Variants in NTRK3 observed in about 807,000 individuals in gnomAD.
NTRK3 encodes NT-3 growth factor receptor.
NTRK3 carries 24 observed loss-of-function variants against 91.7 expected under a neutral mutation model. That is an observed-to-expected ratio of 0.26 (90% CI 0.19 to 0.37). NTRK3 has a LOEUF of 0.37. NTRK3 is among the 10% of genes least tolerant of loss of function. The probability of loss-of-function intolerance (pLI) is 1.00; values close to 1 mark genes in which losing one functional copy is unlikely to be tolerated. For missense variants in NTRK3, 880 were observed against 1,068.9 expected, an observed-to-expected ratio of 0.82 and a Z score of 2.46; for synonymous variants, 483 against 404.0, an observed-to-expected ratio of 1.20 and a Z score of -2.34.
chr15:87,979,768 G>T (rs891106468), intron 14 of NTRK3, among the ~76,000 whole-genome samples: 1 of 152,280 alleles, frequency 6.6e-6, no homozygotes, highest in African/African-American at 2.4e-5. Flanking sequence ...GTGGGTCTCA[G>T]TCTATAAGCA....
At chr15:88,133,883 C>T (rs1325835465) in intron 10 of NTRK3, among the ~76,000 whole-genome samples, 2 of 152,196 alleles carry the variant, frequency 1.3e-5, no homozygotes, top group Non-Finnish European at 2.9e-5. Context: ...GGGACCTCAA[C>T]GGCAAGAATT....
intron 14 of NTRK3, among the ~76,000 whole-genome samples, chr15:87,994,723 A>T (rs1271902707): frequency 6.6e-6 from 1 of 152,232 alleles, no homozygotes; most frequent in Non-Finnish European, 1.5e-5. Context: ...TGGCAGGAAC[A>T]TAAGGCAGGA....
At chr15:87,943,056 G>A (rs190087634) in intron 14 of NTRK3, among the ~76,000 whole-genome samples, 9 of 151,954 alleles carry the variant, frequency 5.9e-5, no homozygotes, top group South Asian at 4.2e-4. Context: ...TTGAGAATGC[G>A]TCAAAATCAC....
In NTRK3 at chr15:87,933,185, C is replaced by G. The variant is rs773360613; in HGVS notation, c.1717-1G>C. 6.2e-7 allele frequency: 1 copy of G among 1,613,990 alleles called. No individual in the cohort carries two copies. The highest frequency in any genetic ancestry group is 1.3e-5 in the African/African-American group (1 of 74,912). ...CAGCCAGGGTGGGATCCTTCAGGGC[C>G]TAGGAACAATGCAGGACACAGGTGT... On this transcript the variant is annotated splice_acceptor_variant, in intron 15 of 18. Coordinates refer to ENST00000394480, the Ensembl canonical transcript of NTRK3. LOFTEE classifies it high-confidence loss of function.
chr15:88,203,231 A>G (rs2141302347), intron 3 of NTRK3, among the ~76,000 whole-genome samples: 1 of 152,226 alleles, frequency 6.6e-6, no homozygotes, highest in African/African-American at 2.4e-5. Flanking sequence ...ATTACTTCCC[A>G]CATAAATCAC....
At chr15:88,173,875 A>G (rs897731028) in intron 5 of NTRK3, among the ~76,000 whole-genome samples, 1 of 152,236 alleles carries the variant, frequency 6.6e-6, no homozygotes, top group African/African-American at 2.4e-5. Context: ...GCAGTTATGA[A>G]ACCTTAGGCA....
At chr15:88,184,586 C>T (rs746674135) in intron 3 of NTRK3, among the ~76,000 whole-genome samples, 9 of 152,224 alleles carry the variant, frequency 5.9e-5, no homozygotes, top group Non-Finnish European at 8.8e-5. Context: ...ATGCTAAAGA[C>T]GTGAAGTTCA....
intron 17 of NTRK3, among the ~76,000 whole-genome samples, chr15:87,907,736 A>T (rs111984358): frequency 0.018 from 2,675 of 152,264 alleles, 73 homozygotes; most frequent in African/African-American, 0.056. Flanking sequence ...CTGTTTCCCA[A>T]ATAGAAGAAA....
chr15:87,925,447 A>ACACACACC (rs2068217396), intron 17 of NTRK3: 1 of 190,542 alleles, frequency 5.2e-6, no homozygotes, highest in Non-Finnish European at 1.1e-5. Flanking sequence ...GTATGCACAC[A>ACACACACC]CACACACACA....
At chr15:88,081,931 T>C (rs1454654734) in intron 13 of NTRK3, among the ~76,000 whole-genome samples, 1 of 152,160 alleles carries the variant, frequency 6.6e-6, no homozygotes, top group African/African-American at 2.4e-5. Flanking sequence ...TTGCTTTTTC[T>C]TTCCAAGGGC....
chr15:87,921,829 A>G (rs1012835787), intron 17 of NTRK3, among the ~76,000 whole-genome samples: 2 of 152,024 alleles, frequency 1.3e-5, no homozygotes, highest in Non-Finnish European at 2.9e-5. Context: ...CCAGGCTGCT[A>G]TGACTGAGCT....
intron 14 of NTRK3, among the ~76,000 whole-genome samples, chr15:87,993,520 C>T (rs2075442848): frequency 6.6e-6 from 1 of 152,052 alleles, no homozygotes; most frequent in African/African-American, 2.4e-5. Flanking sequence ...AGTTCTTCAC[C>T]TTTCTTTGGG....
chr15:88,006,127 A>G (rs976374059), intron 14 of NTRK3, among the ~76,000 whole-genome samples: 3 of 152,210 alleles, frequency 2.0e-5, no homozygotes, highest in African/African-American at 7.2e-5. Context: ...GAAAGTAAAA[A>G]TGTTCATTAC....
At chr15:88,115,238 G>C (rs2051908942) in intron 13 of NTRK3, among the ~76,000 whole-genome samples, 1 of 152,238 alleles carries the variant, frequency 6.6e-6, no homozygotes, top group Non-Finnish European at 1.5e-5. Flanking sequence ...AAGGCAGCAA[G>C]CAGCACACAC....
chr15:88,020,368 G>A (rs191982183), intron 14 of NTRK3, among the ~76,000 whole-genome samples: 41 of 152,188 alleles, frequency 2.7e-4, no homozygotes, highest in Non-Finnish European at 4.4e-4. Flanking sequence ...TTACAGTTCC[G>A]ACTCCTAAGA....
intron 14 of NTRK3, among the ~76,000 whole-genome samples, chr15:87,972,008 A>T (rs1442075795): frequency 2.6e-5 from 4 of 152,214 alleles, no homozygotes; most frequent in African/African-American, 9.6e-5. Context: ...TAAGTGGTCT[A>T]TCAGAACTCT....
At chr15:88,058,456 G>T (rs377511673) in intron 13 of NTRK3, among the ~76,000 whole-genome samples, 84 of 152,278 alleles carry the variant, frequency 5.5e-4, no homozygotes, top group African/African-American at 1.8e-3. Context: ...TTCCTCCAAA[G>T]GTCAAAGGTT....
At position 88,155,102 on chromosome 15, in the gene NTRK3, T is replaced by C. The variant is rs112752496; in HGVS notation, c.396-7699A>G. On this transcript the variant is annotated intron_variant, in intron 5 of 18. Coordinates refer to ENST00000394480, the Ensembl canonical transcript of NTRK3. Reference sequence around the variant, plus strand: ...GAATAATGGTATCCACATCCAAATCTCGAGAATCTGTGAATAGGTTAACTT... The same window carrying C: ...GAATAATGGTATCCACATCCAAATCCCGAGAATCTGTGAATAGGTTAACTT... 2.8e-3 allele frequency among the ~76,000 whole-genome samples: 426 copies of C among 152,276 alleles called. 3 individuals carry two copies. The Middle Eastern group carries it at 0.031, about 11-fold the overall frequency.
chr15:88,167,033 C>G (rs540432965), intron 5 of NTRK3, among the ~76,000 whole-genome samples: 1 of 152,248 alleles, frequency 6.6e-6, no homozygotes, highest in Non-Finnish European at 1.5e-5. Flanking sequence ...CATGTCCTTC[C>G]TGAATCCTGT....
Sources: gnomAD v4.1 joint callset for allele counts (sites outside exome capture counted in the v4.1 genomes callset) on GRCh38, gnomAD v4.1.1 for gene constraint, MANE v1.5 for transcripts, NCBI Gene and HGNC (gene_info 2026-07-23, HGNC 2026-07-21) for gene names.